CCDC50: variants seen among roughly 807,000 people sequenced by gnomAD.
CCDC50 encodes the protein coiled-coil domain-containing protein 50.
A neutral mutation model predicts 70.2 loss-of-function variants in CCDC50; 54 were observed. The ratio of observed to expected loss-of-function variants is 0.77; its 90% CI spans 0.62 to 0.96. The LOEUF (loss-of-function observed/expected upper bound fraction) is 0.96, where lower values mean the gene tolerates loss of function less well. Ranked by LOEUF, CCDC50 falls within the 50% of genes least tolerant of loss-of-function variation. The probability of loss-of-function intolerance (pLI) is 0.00; values close to 1 mark genes in which losing one functional copy is unlikely to be tolerated. For missense variants in CCDC50, 558 were observed against 578.7 expected (o/e 0.96, Z 0.37); for synonymous variants, 216 against 198.8 (o/e 1.09, Z -0.73).
At position 191,350,550 on chromosome 3, in the gene CCDC50, AAAAGAACAACGG is replaced by A; in HGVS notation, c.50-6533_50-6522del. Among the ~76,000 whole-genome samples the A allele has an allele frequency of 1.4e-5, 2 of 142,504 alleles. 1 individual carries two copies. The highest frequency in any genetic ancestry group is 7.1e-3 in the Middle Eastern group (2 of 282). 93.5% of individuals were successfully genotyped at this position (142,504 alleles called of 152,430 possible). ...TTTCCGAAAGTCTTAGGATGTAGGT[AAAAGAACAACGG>A]AAAGGAAATGGCTTTTTTTTCACTT... On this transcript the variant is annotated intron_variant, in intron 1 of 11. Transcript: ENST00000392455.
rs1224189558 is a variant in CCDC50 at position 191,353,375 on chromosome 3, A to T, written c.50-3713A>T. Among the ~76,000 whole-genome samples the T allele has an allele frequency of 2.8e-5, 4 of 142,010 alleles. 1 individual carries two copies. The highest frequency in any genetic ancestry group is 1.0e-4 in the African/African-American group (4 of 39,814). 93.2% of individuals were successfully genotyped at this position (142,010 alleles called of 152,430 possible). A position where few individuals can be genotyped will look rare whatever the true frequency, so the allele number is the denominator to read the frequency against. ...GTCAGCCTGAGTTCTGAATGAGTGA[A>T]GGTGAACATGGGAGGCAAAAAGTTT... On this transcript the variant is annotated intron_variant, in intron 1 of 11. Transcript: ENST00000392455.
At chr3:191,390,064 T>C (rs1232744559) in intron 11 of CCDC50, among the ~76,000 whole-genome samples, 2 of 151,918 alleles carry the variant, frequency 1.3e-5, no homozygotes, top group African/African-American at 4.8e-5. Flanking sequence ...GGTTTTACCA[T>C]GTCACCCCAG....
At chr3:191,364,554 T>C (rs1458383312) in intron 4 of CCDC50, among the ~76,000 whole-genome samples, 4 of 152,014 alleles carry the variant, frequency 2.6e-5, no homozygotes, top group Admixed American at 1.3e-4. Flanking sequence ...ATACCAGATA[T>C]AGAGACTGAG....
At chr3:191,343,051 A>G (rs78478307) in intron 1 of CCDC50, among the ~76,000 whole-genome samples, 1 of 152,206 alleles carries the variant, frequency 6.6e-6, no homozygotes, top group South Asian at 2.1e-4. Context: ...TCAAGTGTAG[A>G]TCAGAAATAA....
rs1712489911 is a variant in CCDC50 at position 191,361,592 on chromosome 3, GTC to G, written c.330+437_330+438del. Among the ~76,000 whole-genome samples, 4 of 152,140 alleles carry G rather than the reference GTC, an allele frequency of 2.6e-5. 1 individual carries two copies. Among genetic ancestry groups the G allele is most frequent in the Admixed American group, 2.6e-4 (4 of 15,274 alleles). On this transcript the variant is annotated intron_variant, in intron 4 of 11. Coordinates refer to ENST00000392455, the MANE Select transcript of CCDC50 (RefSeq NM_178335.3). ...CTTGGCTTGTATCTGCATCACTTCA[GTC>G]TCTGCCTCCATTGTCACATGGCTTT...
rs1206609739 is a variant in CCDC50, at chr3:191,375,374, G to A, written c.761G>A (p.Trp254Ter). ...EVFLSTECDD[W>*]ETKINHQTRN... is the part of the protein sequence containing the mutation. ...TTTCTGAGCACTGAATGTGATGACT[G>A]GGAGACTAAGATTAACCATCAGACT... Residue 254 changes from tryptophan to a stop codon, truncating the protein, a stop_gained, in exon 6 of 12, where the codon TGG (tryptophan) becomes TAG (stop). Coordinates refer to ENST00000392455, the MANE Select transcript of CCDC50 (RefSeq NM_178335.3). LOFTEE classifies it high-confidence loss of function. The A allele has an allele frequency of 6.2e-7, 1 of 1,613,686 alleles. No individual in the cohort carries two copies.
chr3:191,334,946 C>T (rs376727319), intron 1 of CCDC50, among the ~76,000 whole-genome samples: 2 of 152,148 alleles, frequency 1.3e-5, no homozygotes, highest in Non-Finnish European at 2.9e-5. Context: ...AAGTCACACT[C>T]TTGCCTCACT....
In CCDC50 at chr3:191,350,990, G is replaced by A. The variant is rs961230183; in HGVS notation, c.50-6098G>A. ...TTCCTGCTGCCCTTTAGGGGTATGT[G>A]TGTATGTGGGGGATGTGGCAGGGGT... On this transcript the variant is annotated intron_variant, in intron 1 of 11. Coordinates refer to ENST00000392455, the MANE Select transcript of CCDC50 (RefSeq NM_178335.3). 2.8e-5 allele frequency among the ~76,000 whole-genome samples: 4 copies of A among 140,770 alleles called. 1 individual carries two copies. The highest frequency in any genetic ancestry group is 7.3e-5 in the Admixed American group (1 of 13,702). The allele number at this position is 140,770 out of a possible 152,430, so 92.4% of individuals were successfully genotyped here.
At chr3:191,340,664 C>T (rs1028074230) in intron 1 of CCDC50, among the ~76,000 whole-genome samples, 1 of 152,182 alleles carries the variant, frequency 6.6e-6, no homozygotes, top group Non-Finnish European at 1.5e-5. Flanking sequence ...TTTGGAGTGG[C>T]GGAGCTTATT....
At chr3:191,387,318 T>A (rs1198564662) in intron 10 of CCDC50, among the ~76,000 whole-genome samples, 1 of 152,188 alleles carries the variant, frequency 6.6e-6, no homozygotes, top group Non-Finnish European at 1.5e-5. Context: ...GGTGTTTGGC[T>A]GTATCACTAA....
intron 1 of CCDC50, 63 bp downstream of exon 1, chr3:191,329,786 G>A (rs918643452): frequency 6.4e-7 from 1 of 1,554,192 alleles, no homozygotes; most frequent in Non-Finnish European, 8.7e-7. Context: ...GTTCTCTCAG[G>A]TCAGGGGCGT....
chr3:191,356,838 A>G (rs1712300742), intron 1 of CCDC50, among the ~76,000 whole-genome samples: 1 of 152,206 alleles, frequency 6.6e-6, no homozygotes. Context: ...TTCTCACCTC[A>G]GGCCAGGGGC....
At chr3:191,338,023 C>G (rs1334276959) in intron 1 of CCDC50, among the ~76,000 whole-genome samples, 1 of 152,058 alleles carries the variant, frequency 6.6e-6, no homozygotes, top group Non-Finnish European at 1.5e-5. Flanking sequence ...CCAGGGGAGT[C>G]TCCCCTGGAC....
At chr3:191,364,181 G>T (rs1423594536) in intron 4 of CCDC50, among the ~76,000 whole-genome samples, 1 of 151,586 alleles carries the variant, frequency 6.6e-6, no homozygotes, top group African/African-American at 2.4e-5. Context: ...CGATTCCCCT[G>T]CCTCAGCCTC....
At position 191,329,465 on chromosome 3, in the gene CCDC50, T is replaced by TGGGCCGCC. The variant is rs1297052153; in HGVS notation, c.-209_-202dup. ...GAGCAGGTGGCCGCGGCGGGGCAGCTGGGCCGCCAGCTTGGTGCCTCGGGG... is the reference window on the plus strand; with the variant it reads ...GAGCAGGTGGCCGCGGCGGGGCAGCTGGGCCGCCGGGCCGCCAGCTTGGTGCCTCGGGG... On this transcript the variant is annotated 5_prime_UTR_variant, in exon 1 of 12. Coordinates refer to ENST00000392455, the MANE Select transcript of CCDC50 (RefSeq NM_178335.3). 1 of 475,406 alleles carries TGGGCCGCC rather than the reference T, an allele frequency of 2.1e-6. No homozygotes were observed. The highest frequency in any genetic ancestry group is 2.1e-5 in the African/African-American group (1 of 48,174). 29.4% of individuals were successfully genotyped at this position (475,406 alleles called of 1,614,324 possible). A position where few individuals can be genotyped will look rare whatever the true frequency, so the allele number is the denominator to read the frequency against.
chr3:191,373,841 A>G lies in CCDC50; in HGVS notation c.449-1221A>G, dbSNP rs527495079. Among the ~76,000 whole-genome samples, 3 of 152,246 alleles carry G rather than the reference A, an allele frequency of 2.0e-5. No homozygotes were observed. The South Asian group carries it at 6.2e-4, about 32-fold the overall frequency. ...TCTTCTGGAAAGCACAAGAGGAAAC[A>G]ATTTGAGGTTTTTAATGGAAACTTA... is the stretch of plus-strand genomic sequence containing the variant. On this transcript the variant is annotated intron_variant, in intron 5 of 11. Transcript: ENST00000392455.
At chr3:191,388,636 A>G (rs1713580198) in intron 10 of CCDC50, among the ~76,000 whole-genome samples, 1 of 152,230 alleles carries the variant, frequency 6.6e-6, no homozygotes, top group Non-Finnish European at 1.5e-5. Flanking sequence ...TTATTTTTAC[A>G]TGACAGAGCC....
At chr3:191,340,443 C>T (rs1471502090) in intron 1 of CCDC50, among the ~76,000 whole-genome samples, 3 of 152,156 alleles carry the variant, frequency 2.0e-5, no homozygotes, top group Non-Finnish European at 4.4e-5. Flanking sequence ...TAGGAAACTA[C>T]ATTTAGTTTT....
chr3:191,332,816 G>A (rs9826141), intron 1 of CCDC50, among the ~76,000 whole-genome samples: 28,256 of 152,036 alleles, frequency 0.19, 3,088 homozygotes, highest in Non-Finnish European at 0.24. Flanking sequence ...TTCCTGTATC[G>A]GTAAATGAAT....
Sources: allele counts gnomAD v4.1 joint callset (sites outside exome capture counted in the v4.1 genomes callset), GRCh38; gene constraint gnomAD v4.1.1; transcripts MANE v1.5; gene names NCBI Gene and HGNC (gene_info 2026-07-23, HGNC 2026-07-21).